FMNL2: variants seen among roughly 807,000 people sequenced by gnomAD.
FMNL2 encodes formin like 2.
Under a neutral mutation model 130.2 loss-of-function variants are expected in FMNL2, and 51 were observed. That is an observed-to-expected ratio of 0.39 (90% confidence interval 0.31 to 0.49). The LOEUF is 0.49. Ranked by LOEUF, FMNL2 falls within the 20% of genes least tolerant of loss-of-function variation. The probability of loss-of-function intolerance (pLI) is 0.85; values close to 1 mark genes in which losing one functional copy is unlikely to be tolerated. For synonymous variants in FMNL2, 465 were observed against 467.1 expected (o/e 1.00, Z 0.06); for missense variants, 977 against 1,316.2 (o/e 0.74, Z 3.99).
intron 1 of FMNL2, among the ~76,000 whole-genome samples, chr2:152,404,456 TTC>T (rs1489324064): frequency 2.6e-5 from 4 of 152,240 alleles, no homozygotes; most frequent in African/African-American, 9.6e-5. Context: ...TAATGTCATT[TTC>T]TGTTTCTTCC....
At chr2:152,642,422 G>C (rs1211894723) in intron 25 of FMNL2, among the ~76,000 whole-genome samples, 1 of 152,328 alleles carries the variant, frequency 6.6e-6, no homozygotes, top group East Asian at 1.9e-4. Context: ...TTAAAGCAGT[G>C]TAGGTCTTAG....
chr2:152,589,970 T>C (rs1214847937), intron 9 of FMNL2, among the ~76,000 whole-genome samples: 1 of 51,706 alleles, frequency 1.9e-5, no homozygotes, highest in African/African-American at 9.2e-5. Flanking sequence ...TATATATATA[T>C]ATATATATAT....
intron 1 of FMNL2, among the ~76,000 whole-genome samples, chr2:152,378,819 T>C (rs1405341996): frequency 3.9e-5 from 6 of 151,942 alleles, no homozygotes; most frequent in Non-Finnish European, 1.5e-5. Flanking sequence ...GCATCCTTTT[T>C]AATGAGATAG....
chr2:152,647,166 A>AACAAG (rs1441808075), intron 25 of FMNL2, among the ~76,000 whole-genome samples: 5 of 152,202 alleles, frequency 3.3e-5, no homozygotes, highest in Non-Finnish European at 5.9e-5. Context: ...TGGACAACAT[A>AACAAG]ACAAGACCCC....
At chr2:152,485,072 C>A (rs151004245) in intron 1 of FMNL2, among the ~76,000 whole-genome samples, 1 of 152,260 alleles carries the variant, frequency 6.6e-6, no homozygotes, top group African/African-American at 2.4e-5. Context: ...TAAAAATATT[C>A]TGGGGCTGGG....
intron 2 of FMNL2, among the ~76,000 whole-genome samples, chr2:152,534,768 A>G (rs13002771): frequency 0.2 from 30,880 of 152,078 alleles, 3,269 homozygotes; most frequent in Middle Eastern, 0.25. Context: ...GAGTTATAGG[A>G]TGTTTTGGTC....
At chr2:152,438,274 G>A (rs1687874524) in intron 1 of FMNL2, among the ~76,000 whole-genome samples, 1 of 152,158 alleles carries the variant, frequency 6.6e-6, no homozygotes, top group Non-Finnish European at 1.5e-5. Context: ...TTTTTCTAGG[G>A]ACAGTCATTC....
rs182813213 is a variant in FMNL2, at chr2:152,408,356, G to A, written c.117+72636G>A. On this transcript the variant is annotated intron_variant, in intron 1 of 25. Transcript: ENST00000288670. ...TATGTTTCTTAGGACAAGTGAGTAA[G>A]CTTTGTCAATTGGTTTATAAAACAT... Among the ~76,000 whole-genome samples, 4 of 152,256 alleles carry A rather than the reference G, an allele frequency of 2.6e-5. No individual in the cohort carries two copies. The East Asian group carries it at 7.7e-4, about 29-fold the overall frequency.
chr2:152,360,531 G>A (rs780923360), intron 1 of FMNL2, among the ~76,000 whole-genome samples: 1 of 152,034 alleles, frequency 6.6e-6, no homozygotes, highest in Non-Finnish European at 1.5e-5. Flanking sequence ...CCTATTAACA[G>A]ATGGTCTGTA....
At chr2:152,523,874 G>A (rs908999655) in intron 2 of FMNL2, among the ~76,000 whole-genome samples, 9 of 152,118 alleles carry the variant, frequency 5.9e-5, no homozygotes, top group African/African-American at 1.7e-4. Context: ...TGCTTGAAAC[G>A]TGCTTATTGA....
At chr2:152,357,831 T>C (rs1001892530) in intron 1 of FMNL2, among the ~76,000 whole-genome samples, 2 of 152,246 alleles carry the variant, frequency 1.3e-5, no homozygotes, top group African/African-American at 4.8e-5. Flanking sequence ...CAATGGTCAA[T>C]AATTCAGTGT....
chr2:152,610,468 C>T (rs1698617999), intron 10 of FMNL2, among the ~76,000 whole-genome samples: 1 of 152,160 alleles, frequency 6.6e-6, no homozygotes, highest in Non-Finnish European at 1.5e-5. Context: ...ATTTATCCCA[C>T]CCTCAGCCCT....
chr2:152,455,164 G>A (rs1688882174), intron 1 of FMNL2, among the ~76,000 whole-genome samples: 1 of 152,096 alleles, frequency 6.6e-6, no homozygotes, highest in East Asian at 1.9e-4. Flanking sequence ...GGTCAGGCAG[G>A]GAGGGCAAGG....
intron 23 of FMNL2, among the ~76,000 whole-genome samples, chr2:152,638,638 C>T (rs745538408): frequency 1.1e-4 from 16 of 152,194 alleles, no homozygotes; most frequent in Non-Finnish European, 1.8e-4. Context: ...GTAGAAGGAA[C>T]GTCTGTGGCA....
At chr2:152,634,723 C>T (rs73011927) in intron 21 of FMNL2, among the ~76,000 whole-genome samples, 4,745 of 152,224 alleles carry the variant, frequency 0.031, 139 homozygotes, top group African/African-American at 0.076. Flanking sequence ...ACTTTTCAAG[C>T]GTTGGTTGTG....
At position 152,647,976 on chromosome 2, in the gene FMNL2, G is replaced by A. The variant is rs1683764817; in HGVS notation, c.*71G>A. 6 of 1,241,868 alleles carry A rather than the reference G, an allele frequency of 4.8e-6. No individual in the cohort carries two copies. Among genetic ancestry groups the A allele is most frequent in the East Asian group, 2.4e-5 (1 of 41,984 alleles). The allele number at this position is 1,241,868 out of a possible 1,614,324, so 76.9% of individuals were successfully genotyped here. On this transcript the variant is annotated 3_prime_UTR_variant, in exon 26 of 26. Transcript: ENST00000288670. ...TGCCCACATGAACTTTATGTGCTAC[G>A]ATTTAACTGCAGCCTTGAACACACA...
At chr2:152,445,391 T>A (rs1225281894) in intron 1 of FMNL2, among the ~76,000 whole-genome samples, 1 of 152,194 alleles carries the variant, frequency 6.6e-6, no homozygotes, top group Non-Finnish European at 1.5e-5. Flanking sequence ...AAATTAAACT[T>A]CAGTTTAAAT....
intron 1 of FMNL2, among the ~76,000 whole-genome samples, chr2:152,350,290 A>C (rs1222111879): frequency 1.3e-5 from 2 of 152,090 alleles, no homozygotes; most frequent in Admixed American, 1.3e-4. Context: ...AGCATATGGG[A>C]TATACTCAGC....
At chr2:152,407,293 C>A (rs1160569215) in intron 1 of FMNL2, among the ~76,000 whole-genome samples, 2 of 151,752 alleles carry the variant, frequency 1.3e-5, no homozygotes, top group Non-Finnish European at 2.9e-5. Flanking sequence ...AACATAACAT[C>A]AATGGAATAT....
Sources: allele counts gnomAD v4.1 joint callset (sites outside exome capture counted in the v4.1 genomes callset), GRCh38; gene constraint gnomAD v4.1.1; transcripts MANE v1.5; gene names NCBI Gene and HGNC (gene_info 2026-07-23, HGNC 2026-07-21).